The following SPAG16 variants were observed in gnomAD, a reference collection of about 807,000 sequenced individuals.
The protein encoded by SPAG16 is sperm associated antigen 16, also known as sperm-associated antigen 16 protein.
A neutral mutation model predicts 80.4 loss-of-function variants in SPAG16; 86 were observed. The observed-to-expected ratio is 1.07, with a 90% CI of 0.90 to 1.28. The LOEUF (loss-of-function observed/expected upper bound fraction) is 1.28, where lower values mean the gene tolerates loss of function less well. Ranked by LOEUF, SPAG16 falls within the 50% of genes most tolerant of loss-of-function variation. SPAG16 has a pLI of 0.00. For missense variants in SPAG16, 870 were observed against 765.3 expected (o/e 1.14, Z -1.61); for synonymous variants, 294 against 265.9 (o/e 1.11, Z -1.03).
At chr2:213,416,446 C>T (rs1027098330) in intron 9 of SPAG16, among the ~76,000 whole-genome samples, 3 of 151,812 alleles carry the variant, frequency 2.0e-5, no homozygotes, top group Non-Finnish European at 2.9e-5. Flanking sequence ...AGATCAGCTT[C>T]GTGTGTAAAC....
In SPAG16 at chr2:213,489,992, A is replaced by C. The variant is rs199940820; in HGVS notation, c.972A>C (p.Pro324=). Residue 324 remains proline, a synonymous_variant, in exon 10 of 16, where the codon CCA becomes CCC. Coordinates refer to ENST00000331683, the MANE Select transcript of SPAG16 (RefSeq NM_024532.5). ...CAGAATTTCCCATAGATATGCAACC[A>C]AATCCAAACCTGAATGTTTCTAAAG... ...KDSEFPIDMQ[P]NPNLNVSKES... The C allele has an allele frequency of 2.7e-5, 43 of 1,607,888 alleles. No individual in the cohort carries two copies. In the African/African-American group the frequency reaches 5.1e-4, roughly 19 times the overall value.
At position 213,377,692 on chromosome 2, in the gene SPAG16, A is replaced by G. The variant is rs554391267; in HGVS notation, c.942+2573A>G. On this transcript the variant is annotated intron_variant, in intron 9 of 15. Coordinates refer to ENST00000331683, the MANE Select transcript of SPAG16 (RefSeq NM_024532.5). ...TTACTTTTTCCCTTACTTTTTCCCT[A>G]GTTTGCTAACTGGCAAGGTTGAAGG... Among the ~76,000 whole-genome samples, 14 of 151,800 alleles carry G rather than the reference A, an allele frequency of 9.2e-5. No homozygotes were observed. In the East Asian group the frequency reaches 2.5e-3, roughly 27 times the overall value.
At chr2:213,869,680 T>C (rs1180520543) in intron 11 of SPAG16, among the ~76,000 whole-genome samples, 2 of 146,922 alleles carry the variant, frequency 1.4e-5, no homozygotes, top group Non-Finnish European at 3.0e-5. Flanking sequence ...CCAAAAGTAA[T>C]ACAGGATCAT....
intron 10 of SPAG16, among the ~76,000 whole-genome samples, chr2:213,617,039 A>G (rs1187234389): frequency 6.6e-6 from 1 of 152,122 alleles, no homozygotes; most frequent in Non-Finnish European, 1.5e-5. Context: ...TCCCGTGTGT[A>G]ATGGGTAGGT....
intron 9 of SPAG16, among the ~76,000 whole-genome samples, chr2:213,449,306 C>T (rs1462709303): frequency 6.6e-6 from 1 of 152,156 alleles, no homozygotes; most frequent in Middle Eastern, 3.2e-3. Flanking sequence ...TGAATATAGA[C>T]CCTTATCAAT....
chr2:213,959,677 G>A (rs1575654826), intron 12 of SPAG16, among the ~76,000 whole-genome samples: 1 of 152,202 alleles, frequency 6.6e-6, no homozygotes, highest in East Asian at 1.9e-4. Flanking sequence ...TCACCCTCTG[G>A]TTGAGCTCCC....
At chr2:213,748,993 A>C (rs2067961025) in intron 10 of SPAG16, among the ~76,000 whole-genome samples, 1 of 152,204 alleles carries the variant, frequency 6.6e-6, no homozygotes, top group African/African-American at 2.4e-5. Flanking sequence ...TTAAAAATAC[A>C]AAAGTTAGCT....
At chr2:213,769,235 C>A (rs1400773490) in intron 10 of SPAG16, among the ~76,000 whole-genome samples, 1 of 152,104 alleles carries the variant, frequency 6.6e-6, no homozygotes, top group African/African-American at 2.4e-5. Context: ...TTTTATATTA[C>A]CAATTCTATC....
intron 12 of SPAG16, among the ~76,000 whole-genome samples, chr2:213,961,919 T>A (rs950103773): frequency 6.6e-6 from 1 of 152,150 alleles, no homozygotes; most frequent in Non-Finnish European, 1.5e-5. Context: ...AAGTATTCCT[T>A]CCTCTTGTAT....
chr2:213,325,553 C>T (rs569748772), intron 5 of SPAG16, among the ~76,000 whole-genome samples: 1 of 151,928 alleles, frequency 6.6e-6, no homozygotes, highest in South Asian at 2.1e-4. Context: ...TTTCCACAGA[C>T]ACGGGTGATG....
At chr2:214,295,121 T>TG (rs1192552353) in intron 15 of SPAG16, among the ~76,000 whole-genome samples, 1 of 152,188 alleles carries the variant, frequency 6.6e-6, no homozygotes, top group Non-Finnish European at 1.5e-5. Context: ...AAGAGGTTAG[T>TG]GCTCAGGTCT....
At chr2:214,181,067 G>T (rs1198798115) in intron 15 of SPAG16, among the ~76,000 whole-genome samples, 1 of 151,670 alleles carries the variant, frequency 6.6e-6, no homozygotes, top group Non-Finnish European at 1.5e-5. Flanking sequence ...AGCATAGTTT[G>T]TTTTCCAAAT....
chr2:213,397,523 C>T (rs115944963), intron 9 of SPAG16, among the ~76,000 whole-genome samples: 2,715 of 152,076 alleles, frequency 0.018, 73 homozygotes, highest in African/African-American at 0.051. Context: ...AAAATTAATC[C>T]CCGTGATATT....
intron 11 of SPAG16, among the ~76,000 whole-genome samples, chr2:213,911,865 C>T (rs1162126755): frequency 6.8e-6 from 1 of 147,176 alleles, no homozygotes; most frequent in African/African-American, 2.5e-5. Context: ...CACACACGCA[C>T]ACATATATGT....
intron 14 of SPAG16, among the ~76,000 whole-genome samples, chr2:214,110,988 C>G (rs1047019605): frequency 2.0e-5 from 3 of 150,264 alleles, no homozygotes; most frequent in African/African-American, 7.3e-5. Context: ...TTTTTTTTTT[C>G]CTAGTAAATT....
intron 9 of SPAG16, among the ~76,000 whole-genome samples, chr2:213,451,230 A>C (rs937922692): frequency 1.3e-5 from 2 of 152,252 alleles, no homozygotes; most frequent in Non-Finnish European, 2.9e-5. Flanking sequence ...CAAAAACAAA[A>C]AACAACATTT....
chr2:214,175,196 A>AATATAT lies in SPAG16; in HGVS notation c.1720+25940_1720+25945dup, dbSNP rs201731862. Among the ~76,000 whole-genome samples the AATATAT allele has an allele frequency of 5.1e-4, 71 of 139,920 alleles. No homozygotes were observed. The East Asian group carries it at 8.4e-3, about 17-fold the overall frequency. The allele number at this position is 139,920 out of a possible 152,430, so 91.8% of individuals were successfully genotyped here. ...TAAATTGAGGAACCAGGAATAAAGA[A>AATATAT]ATATATATATATATAAAGAAATGTG... On this transcript the variant is annotated intron_variant, in intron 15 of 15. Coordinates refer to ENST00000331683, the MANE Select transcript of SPAG16 (RefSeq NM_024532.5).
At chr2:213,910,321 T>C (rs2077609622) in intron 11 of SPAG16, among the ~76,000 whole-genome samples, 1 of 152,192 alleles carries the variant, frequency 6.6e-6, no homozygotes, top group African/African-American at 2.4e-5. Context: ...TCTCTTCAGA[T>C]CATATAAATC....
chr2:213,407,010 C>T (rs959048854), intron 9 of SPAG16, among the ~76,000 whole-genome samples: 13 of 151,156 alleles, frequency 8.6e-5, no homozygotes, highest in African/African-American at 2.2e-4. Flanking sequence ...CATACTGCGG[C>T]GACCACTCTG....
Sources: allele counts gnomAD v4.1 joint callset (sites outside exome capture counted in the v4.1 genomes callset), GRCh38; gene constraint gnomAD v4.1.1; transcripts MANE v1.5; gene names NCBI Gene and HGNC (gene_info 2026-07-23, HGNC 2026-07-21).